Variants in GNG2 observed in about 807,000 individuals in gnomAD.
GNG2 encodes the protein G protein subunit gamma 2, also known as guanine nucleotide-binding protein G(I)/G(S)/G(O) subunit gamma-2.
A neutral mutation model predicts 5.5 loss-of-function variants in GNG2; 5 were observed. That is an observed-to-expected ratio of 0.91 (90% CI 0.48 to 1.92). The LOEUF (loss-of-function observed/expected upper bound fraction) is 1.92, where lower values mean the gene tolerates loss of function less well. Ranked by LOEUF, GNG2 falls within the 30% of genes most tolerant of loss-of-function variation. GNG2 has a pLI of 0.01. For missense variants in GNG2, 55 were observed against 88.4 expected (o/e 0.62, Z 1.52); for synonymous variants, 28 against 32.0 (o/e 0.88, Z 0.42).
At chr14:51,851,637 T>C (rs1043907974) in intron 2 of GNG2, among the ~76,000 whole-genome samples, 5 of 152,234 alleles carry the variant, frequency 3.3e-5, no homozygotes, top group African/African-American at 1.2e-4. Flanking sequence ...CTGTCATAGA[T>C]GGTGAGTCTT....
intron 2 of GNG2, among the ~76,000 whole-genome samples, chr14:51,831,482 G>A (rs1335690239): frequency 6.6e-6 from 1 of 152,216 alleles, no homozygotes; most frequent in East Asian, 1.9e-4. Context: ...AAGGGGGACA[G>A]CCTTGATCCA....
intron 2 of GNG2, among the ~76,000 whole-genome samples, chr14:51,887,977 AATT>A: frequency 6.6e-6 from 1 of 152,320 alleles, no homozygotes; most frequent in Admixed American, 6.5e-5. Context: ...TCCTTTAAAA[AATT>A]ATTTCTTAGC....
At chr14:51,949,264 T>C (rs1020252955) in intron 2 of GNG2, among the ~76,000 whole-genome samples, 1 of 152,238 alleles carries the variant, frequency 6.6e-6, no homozygotes, top group African/African-American at 2.4e-5. Flanking sequence ...CAGAGAGTTA[T>C]ACCTAATTTC....
At chr14:51,916,394 G>T (rs1341644454) in intron 2 of GNG2, 1 of 438,330 alleles carries the variant, frequency 2.3e-6, no homozygotes, top group African/African-American at 2.1e-5. Context: ...GGGAAAACGT[G>T]CACATTGGCT....
chr14:51,961,788 C>G (rs1889628716), intron 3 of GNG2, among the ~76,000 whole-genome samples: 1 of 152,100 alleles, frequency 6.6e-6, no homozygotes, highest in Non-Finnish European at 1.5e-5. Flanking sequence ...CAAAAAAGAA[C>G]TTGGAGCTTT....
chr14:51,883,516 G>T (rs1884239245), intron 2 of GNG2, among the ~76,000 whole-genome samples: 1 of 152,222 alleles, frequency 6.6e-6, no homozygotes, highest in South Asian at 2.1e-4. Context: ...TATAAGAAGA[G>T]CAGTAACAGC....
intron 2 of GNG2, among the ~76,000 whole-genome samples, chr14:51,924,648 A>G (rs1422536777): frequency 6.6e-6 from 1 of 152,234 alleles, no homozygotes; most frequent in Non-Finnish European, 1.5e-5. Context: ...AGAAAATTCC[A>G]TGATGAGATT....
intron 1 of GNG2, among the ~76,000 whole-genome samples, chr14:51,875,695 T>C (rs911150996): frequency 2.7e-5 from 4 of 150,774 alleles, no homozygotes; most frequent in African/African-American, 7.3e-5. Context: ...TATTAAGACA[T>C]AGAAAATATA....
chr14:51,854,603 G>A (rs933954807), intron 2 of GNG2, among the ~76,000 whole-genome samples: 1 of 141,402 alleles, frequency 7.1e-6, no homozygotes, highest in African/African-American at 2.7e-5. Flanking sequence ...TCCTCCTCCA[G>A]GGTTGCAAGC....
At chr14:51,837,185 A>T (rs1232837268) in intron 2 of GNG2, among the ~76,000 whole-genome samples, 2 of 152,196 alleles carry the variant, frequency 1.3e-5, no homozygotes, top group Non-Finnish European at 2.9e-5. Flanking sequence ...TTGATGAAAT[A>T]AAAATAAACT....
rs34240079 is a variant in GNG2 at position 51,906,757 on chromosome 14, C to CTTTTTTTT, written c.-30+29109_-30+29116dup. 6.6e-5 allele frequency among the ~76,000 whole-genome samples: 7 copies of CTTTTTTTT among 105,308 alleles called. 1 individual carries two copies. The highest frequency in any genetic ancestry group is 1.5e-4 in the African/African-American group (4 of 27,032). 69.1% of individuals were successfully genotyped at this position (105,308 alleles called of 152,430 possible). On this transcript the variant is annotated intron_variant, in intron 2 of 3. Coordinates refer to ENST00000556766, the MANE Select transcript of GNG2 (RefSeq NM_053064.5). Reference sequence around the variant, plus strand: ...TTGCATGCAGCCTGCTGGAGAATCTCTTTTTTTTTTTTTTTTGAGACGGAG... The same window carrying CTTTTTTTT: ...TTGCATGCAGCCTGCTGGAGAATCTCTTTTTTTTTTTTTTTTTTTTTTTTGAGACGGAG...
intron 2 of GNG2, among the ~76,000 whole-genome samples, chr14:51,837,136 G>A (rs1173258736): frequency 6.6e-6 from 1 of 151,748 alleles, no homozygotes; most frequent in Admixed American, 6.6e-5. Flanking sequence ...TGGGATTATA[G>A]GCATAAGCCA....
At chr14:51,941,517 T>C (rs1888316830) in intron 2 of GNG2, among the ~76,000 whole-genome samples, 2 of 152,206 alleles carry the variant, frequency 1.3e-5, no homozygotes, top group South Asian at 4.1e-4. Context: ...AAACATACAG[T>C]TGTAATTGAA....
At chr14:51,899,697 A>G (rs1885428166) in intron 2 of GNG2, among the ~76,000 whole-genome samples, 1 of 152,224 alleles carries the variant, frequency 6.6e-6, no homozygotes, top group Non-Finnish European at 1.5e-5. Context: ...AGTCCCTGGC[A>G]GTCAGCATTC....
intron 2 of GNG2, among the ~76,000 whole-genome samples, chr14:51,915,784 C>G (rs1886584150): frequency 6.6e-6 from 1 of 152,102 alleles, no homozygotes; most frequent in African/African-American, 2.4e-5. Flanking sequence ...ATCACTTTTG[C>G]CTACATATGT....
upstream of GNG2, among the ~76,000 whole-genome samples, chr14:51,856,401 A>G (rs1327518657): frequency 6.6e-6 from 1 of 152,190 alleles, no homozygotes; most frequent in Non-Finnish European, 1.5e-5. Context: ...AGATACAAAT[A>G]AAGAATAGCT....
intron 2 of GNG2, among the ~76,000 whole-genome samples, chr14:51,893,923 C>T (rs184193184): frequency 2.0e-5 from 3 of 152,104 alleles, no homozygotes; most frequent in Non-Finnish European, 4.4e-5. Context: ...AATTTCTGTA[C>T]TTTTTATTAT....
intron 3 of GNG2, among the ~76,000 whole-genome samples, chr14:51,958,525 C>T (rs1398077025): frequency 6.6e-6 from 1 of 151,086 alleles, no homozygotes. Context: ...CAATTCCTAC[C>T]CTACACTGCA....
Position 51,968,580 on chromosome 14 carries a change from T to C in GNG2, c.*1893T>C, listed in dbSNP as rs1036368882. ...GCACTTCTGTAACCAGATACTTCTG[T>C]TCTTCTGTTCAAATTGTGGGGTTTT... On this transcript the variant is annotated 3_prime_UTR_variant, in exon 4 of 4. Transcript: ENST00000556766. The C allele has an allele frequency of 3.9e-5, 6 of 152,222 alleles. No homozygotes were observed. Among genetic ancestry groups the C allele is most frequent in the African/African-American group, 1.2e-4 (5 of 41,456 alleles). 9.4% of individuals were successfully genotyped at this position (152,222 alleles called of 1,614,324 possible).
Sources: gnomAD v4.1 joint callset for allele counts (sites outside exome capture counted in the v4.1 genomes callset) on GRCh38, gnomAD v4.1.1 for gene constraint, MANE v1.5 for transcripts, NCBI Gene and HGNC (gene_info 2026-07-23, HGNC 2026-07-21) for gene names.